Variants in ZNF320 observed in about 807,000 individuals in gnomAD.
The protein encoded by ZNF320 is zinc finger gene 320.
Under a neutral mutation model 6.8 loss-of-function variants are expected in ZNF320, and 2 were observed. The observed-to-expected ratio is 0.29, with a 90% confidence interval of 0.12 to 0.93. ZNF320 has a LOEUF of 0.93. ZNF320 is among the 40% of genes least tolerant of loss of function. The pLI, the probability that ZNF320 is intolerant of heterozygous loss-of-function variation, is 0.55. For missense variants in ZNF320, 472 were observed against 611.0 expected (o/e 0.77, Z 2.40); for synonymous variants, 208 against 203.2 (o/e 1.02, Z -0.20).
At chr19:52,892,714 T>A (rs1055313013) in intron 2 of ZNF320, among the ~76,000 whole-genome samples, 2 of 151,800 alleles carry the variant, frequency 1.3e-5, no homozygotes, top group Admixed American at 6.6e-5. Context: ...TCTCTGTGCA[T>A]CCTCTGCTCT....
At chr19:52,890,116 G>A in intron 4 of ZNF320, 125 bp downstream of exon 4, 7 of 1,418,562 alleles carry the variant, frequency 4.9e-6, no homozygotes, top group Non-Finnish European at 6.9e-6. Flanking sequence ...CTGAGGGAAG[G>A]CATGGGTGAT....
At chr19:52,868,376 C>T (rs1486685719) in intron 5 of ZNF320, among the ~76,000 whole-genome samples, 1 of 151,910 alleles carries the variant, frequency 6.6e-6, no homozygotes, top group African/African-American at 2.4e-5. Flanking sequence ...TGTGGTGGTA[C>T]ATGCCTGTAA....
rs1422829330 is a variant in ZNF320, at chr19:52,880,822, T to C, written c.1304A>G (p.His435Arg). 1 of 1,613,972 alleles carries C rather than the reference T, an allele frequency of 6.2e-7. No homozygotes were observed. The highest frequency in any genetic ancestry group is 8.5e-7 in the Non-Finnish European group (1 of 1,179,828). The stretch of plus-strand genomic sequence containing the variant: ...ACACTTGTGAGGTTTCTCTCCTGTA[T>C]GAATCCTCCTATGTCTTTCAAGGTG... ...KSHLERHRRI[H>R]TGEKPHKCGD... is the part of the protein sequence containing the mutation. The change falls in exon 6 of 6, where the codon CAT (histidine) becomes CGT (arginine). Residue 435 changes from histidine to arginine, a missense_variant. His to Arg is a conservative substitution (Grantham distance 29). Coordinates refer to ENST00000682928, the MANE Select transcript of ZNF320 (RefSeq NM_001351774.2).
Position 52,878,800 on chromosome 19 carries a change from G to C in ZNF320, c.*1796C>G, listed in dbSNP as rs1212602174. ...CCTAGGCTCAAGCCATCCTCCCACT[G>C]CAGACTCCACAGAAGCTGAACCAGC... is the stretch of plus-strand genomic sequence containing the variant. On this transcript the variant is annotated 3_prime_UTR_variant, in exon 6 of 6. Coordinates refer to ENST00000682928, the MANE Select transcript of ZNF320 (RefSeq NM_001351774.2). The C allele has an allele frequency of 6.6e-6, 1 of 152,120 alleles. No homozygotes were observed. The highest frequency in any genetic ancestry group is 1.5e-5 in the Non-Finnish European group (1 of 68,050). 9.4% of individuals were successfully genotyped at this position (152,120 alleles called of 1,614,324 possible).
chr19:52,902,841 G>GA, the ZNF320 span, among the ~76,000 whole-genome samples: 8 of 152,092 alleles, frequency 5.3e-5, no homozygotes, highest in African/African-American at 1.9e-4. Context: ...GATGCTTTAA[G>GA]AAAAAACCTG....
intron 5 of ZNF320, among the ~76,000 whole-genome samples, chr19:52,887,384 C>A (rs2064127836): frequency 6.6e-6 from 1 of 152,178 alleles, no homozygotes; most frequent in Non-Finnish European, 1.5e-5. Flanking sequence ...AGAGTCCCAG[C>A]CCTATATTTC....
chr19:52,885,033 T>TAA (rs35440334), intron 5 of ZNF320, among the ~76,000 whole-genome samples: 12 of 150,112 alleles, frequency 8.0e-5, no homozygotes, highest in East Asian at 7.9e-4. Flanking sequence ...CCATCTCTGC[T>TAA]AAAAAAAAAT....
At chr19:52,886,966 AAAAG>A (rs967015859) in intron 5 of ZNF320, among the ~76,000 whole-genome samples, 19 of 78,558 alleles carry the variant, frequency 2.4e-4, no homozygotes, top group African/African-American at 7.3e-4. Flanking sequence ...AGAAAGAAAG[AAAAG>A]AAAGAAAGAA....
intron 5 of ZNF320, chr19:52,865,477 T>TATATTAC (rs1568692752): frequency 2.0e-4 from 9 of 43,992 alleles, no homozygotes; most frequent in African/African-American, 6.6e-4. Context: ...ATATTACATA[T>TATATTAC]ATATATAATA....
chr19:52,893,049 T>C (rs550004874), intron 2 of ZNF320, among the ~76,000 whole-genome samples: 3 of 152,234 alleles, frequency 2.0e-5, no homozygotes, highest in East Asian at 1.9e-4. Flanking sequence ...CTCACCCATC[T>C]TCTACTTTGC....
chr19:52,889,873 T>C (rs12459311), intron 4 of ZNF320, among the ~76,000 whole-genome samples: 23,822 of 152,124 alleles, frequency 0.16, 1,968 homozygotes, highest in East Asian at 0.27. Context: ...CACATTAATA[T>C]GTGACTTCCA....
chr19:52,862,787 T>G, exon 6 of ZNF320: 1 of 362,426 alleles, frequency 2.8e-6, no homozygotes, highest in East Asian at 6.7e-5. Flanking sequence ...TCCTATGCAT[T>G]GCAAGGTGTG....
chr19:52,859,777 G>C (rs11084198), downstream of ZNF320, among the ~76,000 whole-genome samples: 1 of 152,080 alleles, frequency 6.6e-6, no homozygotes, highest in Non-Finnish European at 1.5e-5. Context: ...GGGCTGGGTA[G>C]TCTTCCTACT....
At chr19:52,861,109 G>GA (rs972062307) in exon 6 of ZNF320, among the ~76,000 whole-genome samples, 15 of 152,238 alleles carry the variant, frequency 9.9e-5, no homozygotes, top group Admixed American at 5.9e-4. Context: ...ATCTTCTGTG[G>GA]AAAAAATCCA....
intron 5 of ZNF320, among the ~76,000 whole-genome samples, chr19:52,868,139 C>T (rs2063611489): frequency 6.6e-6 from 1 of 152,164 alleles, no homozygotes; most frequent in African/African-American, 2.4e-5. Flanking sequence ...ACTCTTATTA[C>T]ACAAAGGCAG....
chr19:52,892,752 T>TA (rs1345168237), intron 2 of ZNF320, among the ~76,000 whole-genome samples: 2 of 150,786 alleles, frequency 1.3e-5, no homozygotes, highest in Non-Finnish European at 2.9e-5. Context: ...TTCCTTGTTA[T>TA]ACCTCCCTGG....
At chr19:52,875,946 T>G (rs546040229), downstream of ZNF320, among the ~76,000 whole-genome samples, 7 of 152,200 alleles carry the variant, frequency 4.6e-5, no homozygotes, top group Non-Finnish European at 1.0e-4. Context: ...AATCCCTAGC[T>G]ATAGGTGTTT....
In ZNF320 at chr19:52,881,107, C is replaced by T. The variant is rs752009361; in HGVS notation, c.1019G>A (p.Arg340His). 1.8e-5 allele frequency: 29 copies of T among 1,613,840 alleles called. No homozygotes were observed. In the South Asian group the frequency reaches 2.2e-4, roughly 12 times the overall value. The part of the protein sequence containing the change: ...RCEECDKVFS[R>H]KSHLERHRRI... ...CCTATGTCTTTCAAGATGTGATTTG[C>T]GACTGAAAACTTTGTCGCATTCTTC... The change falls in exon 6 of 6, where the codon CGC becomes CAC. Residue 340 changes from arginine to histidine, a missense_variant. By Grantham distance (29) the Arg-to-His change is conservative. Transcript: ENST00000682928.
chr19:52,890,363 A>G, intron 3 of ZNF320, 35 bp from the exon 4 acceptor site: 1 of 1,440,454 alleles, frequency 6.9e-7, no homozygotes, highest in Non-Finnish European at 9.5e-7. Context: ...ATCACTGAGA[A>G]TCAACACACC....
Sources: gnomAD v4.1 joint callset for allele counts (sites outside exome capture counted in the v4.1 genomes callset) on GRCh38, gnomAD v4.1.1 for gene constraint, MANE v1.5 for transcripts, NCBI Gene and HGNC (gene_info 2026-07-23, HGNC 2026-07-21) for gene names.